Variants in CCBE1 observed in about 807,000 individuals in gnomAD.
CCBE1 encodes collagen and calcium-binding EGF domain-containing protein 1.
In CCBE1, 37 loss-of-function variants were observed where a neutral mutation model predicts 50.0. The ratio of observed to expected loss-of-function variants is 0.74; its 90% CI spans 0.57 to 0.97. The LOEUF (loss-of-function observed/expected upper bound fraction) is 0.97, where lower values mean the gene tolerates loss of function less well. Ranked by LOEUF, CCBE1 falls within the 50% of genes least tolerant of loss-of-function variation. The pLI is 0.00. For synonymous variants in CCBE1, 234 were observed against 203.7 expected (o/e 1.15, Z -1.27); for missense variants, 538 against 523.8 (o/e 1.03, Z -0.26).
intron 5 of CCBE1, chr18:59,464,001 T>G (rs559649969): frequency 6.6e-6 from 1 of 152,330 alleles, no homozygotes; most frequent in Non-Finnish European, 1.5e-5. Context: ...CATAGATCAG[T>G]GGCTAAATAG....
chr18:59,617,993 A>T (rs930596501), intron 2 of CCBE1, among the ~76,000 whole-genome samples: 2 of 152,236 alleles, frequency 1.3e-5, no homozygotes, highest in African/African-American at 4.8e-5. Flanking sequence ...GACAAAGTAG[A>T]TGTGGAATCC....
chr18:59,611,073 G>A (rs1599061148), intron 2 of CCBE1, among the ~76,000 whole-genome samples: 1 of 152,332 alleles, frequency 6.6e-6, no homozygotes, highest in East Asian at 1.9e-4. Flanking sequence ...GCAACAGCAT[G>A]CGTTGCTTTC....
At chr18:59,488,199 A>G (rs1456533251) in intron 2 of CCBE1, among the ~76,000 whole-genome samples, 1 of 152,246 alleles carries the variant, frequency 6.6e-6, no homozygotes, top group East Asian at 1.9e-4. Context: ...CGGAGTTAGT[A>G]GGAAGTTACT....
chr18:59,475,423 C>T (rs1912260333), intron 3 of CCBE1, among the ~76,000 whole-genome samples: 1 of 152,216 alleles, frequency 6.6e-6, no homozygotes, highest in African/African-American at 2.4e-5. Context: ...CTTTTCTAAC[C>T]TTGAGACTTA....
intron 2 of CCBE1, among the ~76,000 whole-genome samples, chr18:59,555,514 A>C (rs193089325): frequency 6.6e-6 from 1 of 152,218 alleles, no homozygotes; most frequent in Non-Finnish European, 1.5e-5. Flanking sequence ...AATTAAGACA[A>C]TGACTTGAAG....
chr18:59,558,842 G>A (rs552532042), intron 2 of CCBE1, among the ~76,000 whole-genome samples: 2 of 152,364 alleles, frequency 1.3e-5, no homozygotes, highest in East Asian at 3.9e-4. Flanking sequence ...AAGACAGGGT[G>A]GACAGTGGGA....
intron 2 of CCBE1, among the ~76,000 whole-genome samples, chr18:59,625,388 G>A (rs905544724): frequency 7.9e-5 from 11 of 139,670 alleles, no homozygotes; most frequent in South Asian, 2.2e-4. Flanking sequence ...CCAAGATCGC[G>A]CCACTGCGCT....
chr18:59,672,490 C>T (rs2054445741), intron 2 of CCBE1, among the ~76,000 whole-genome samples: 1 of 152,294 alleles, frequency 6.6e-6, no homozygotes, highest in South Asian at 2.1e-4. Flanking sequence ...AGATGCCCTG[C>T]CTAGACTACT....
At chr18:59,582,619 C>G (rs974112606) in intron 2 of CCBE1, among the ~76,000 whole-genome samples, 1 of 152,112 alleles carries the variant, frequency 6.6e-6, no homozygotes, top group Non-Finnish European at 1.5e-5. Context: ...CCTTGCTGAG[C>G]CTGACAGCAG....
At chr18:59,565,508 A>AGC (rs2144466743) in intron 2 of CCBE1, among the ~76,000 whole-genome samples, 1 of 152,338 alleles carries the variant, frequency 6.6e-6, no homozygotes, top group African/African-American at 2.4e-5. Flanking sequence ...TCTACAGCCC[A>AGC]GCCCCACACC....
intron 2 of CCBE1, among the ~76,000 whole-genome samples, chr18:59,526,050 T>C (rs1914806368): frequency 6.6e-6 from 1 of 152,296 alleles, no homozygotes; most frequent in Non-Finnish European, 1.5e-5. Context: ...TCTTTTTGCT[T>C]AAGATTGTCC....
chr18:59,647,846 T>C (rs2054075011), intron 2 of CCBE1, among the ~76,000 whole-genome samples: 1 of 152,186 alleles, frequency 6.6e-6, no homozygotes, highest in Admixed American at 6.5e-5. Flanking sequence ...GAGTAAAAAT[T>C]TATTTTAAAA....
chr18:59,463,788 G>A (rs1277666875), intron 5 of CCBE1, among the ~76,000 whole-genome samples: 2 of 152,198 alleles, frequency 1.3e-5, no homozygotes, highest in Non-Finnish European at 2.9e-5. Flanking sequence ...AGCCTTGGTT[G>A]CTGGAGGCTG....
intron 2 of CCBE1, among the ~76,000 whole-genome samples, chr18:59,515,202 G>A (rs8083461): frequency 0.15 from 22,780 of 152,184 alleles, 3,322 homozygotes; most frequent in East Asian, 0.37. Flanking sequence ...CGTTCTTTGC[G>A]CTGAGCCACA....
chr18:59,620,250 C>T (rs182931920), intron 2 of CCBE1, among the ~76,000 whole-genome samples: 1 of 152,272 alleles, frequency 6.6e-6, no homozygotes, highest in Admixed American at 6.5e-5. Flanking sequence ...TCGCTGTCTT[C>T]CAGTGGGGGG....
intron 5 of CCBE1, among the ~76,000 whole-genome samples, chr18:59,462,760 A>G (rs1172734426): frequency 6.6e-6 from 1 of 152,042 alleles, no homozygotes; most frequent in African/African-American, 2.4e-5. Context: ...AAGTGGGTGC[A>G]GTGAGGCACA....
chr18:59,681,176 C>T (rs1250012686), intron 2 of CCBE1, among the ~76,000 whole-genome samples: 2 of 152,058 alleles, frequency 1.3e-5, no homozygotes, highest in African/African-American at 2.4e-5. Context: ...AACCAGAACC[C>T]GGAGCAGCAG....
intron 2 of CCBE1, among the ~76,000 whole-genome samples, chr18:59,616,281 G>A (rs374262159): frequency 2.0e-4 from 30 of 152,092 alleles, no homozygotes; most frequent in African/African-American, 7.0e-4. Flanking sequence ...TTGGCAAAAT[G>A]GAAAAAGAAA....
chr18:59,555,233 C>T (rs1253777871), intron 2 of CCBE1, among the ~76,000 whole-genome samples: 1 of 152,198 alleles, frequency 6.6e-6, no homozygotes, highest in Non-Finnish European at 1.5e-5. Flanking sequence ...ACACAGATTG[C>T]TCAGTGCTCA....
Sources: allele counts gnomAD v4.1 joint callset (sites outside exome capture counted in the v4.1 genomes callset), GRCh38; gene constraint gnomAD v4.1.1; transcripts MANE v1.5; gene names NCBI Gene and HGNC (gene_info 2026-07-23, HGNC 2026-07-21).